The following RDH12 variants were observed in gnomAD, a reference collection of about 807,000 sequenced individuals.
RDH12 encodes all-trans and 9-cis retinol dehydrogenase.
RDH12 carries 21 observed loss-of-function variants against 34.0 expected under a neutral mutation model. That is an observed-to-expected ratio of 0.62 (90% confidence interval 0.44 to 0.89). RDH12 has a LOEUF of 0.89. RDH12 is among the 40% of genes least tolerant of loss of function. The pLI is 0.00. For missense variants in RDH12, 394 were observed against 398.6 expected, an observed-to-expected ratio of 0.99 and a Z score of 0.10; for synonymous variants, 198 against 169.9, an observed-to-expected ratio of 1.17 and a Z score of -1.29.
intron 3 of RDH12, among the ~76,000 whole-genome samples, chr14:67,724,122 G>T (rs1234317290): frequency 6.6e-6 from 1 of 152,208 alleles, no homozygotes; most frequent in Non-Finnish European, 1.5e-5. Flanking sequence ...TTGAATGTAG[G>T]TTAGAGGGGA....
intron 1 of RDH12, among the ~76,000 whole-genome samples, chr14:67,719,191 T>C (rs145039412): frequency 1.3e-5 from 2 of 152,340 alleles, no homozygotes; most frequent in East Asian, 3.9e-4. Flanking sequence ...GCTAAAATGT[T>C]TTATGCACAA....
At chr14:67,714,871 C>T (rs2140123922) in intron 1 of RDH12, 1 of 152,344 alleles carries the variant, frequency 6.6e-6, no homozygotes, top group South Asian at 2.1e-4. Flanking sequence ...CAAACCTGTG[C>T]AAAGCTTCTG....
rs550282251 is a variant in RDH12, at chr14:67,711,105, G to A, written c.-275+9170G>A. On this transcript the variant is annotated intron_variant, in intron 1 of 8. Transcript: ENST00000551171. ...TATAGTTTAGCTTTGAAACAAAGAC[G>A]ATAACAAACCTTACTTCCTGTGGAC... Among the ~76,000 whole-genome samples the A allele has an allele frequency of 6.6e-4, 100 of 152,250 alleles. 1 individual carries two copies. Among genetic ancestry groups the A allele is most frequent in the Admixed American group, 2.0e-3 (31 of 15,296 alleles).
chr14:67,714,493 A>G (rs1407131367), intron 1 of RDH12: 9 of 152,736 alleles, frequency 5.9e-5, no homozygotes, highest in African/African-American at 2.2e-4. Context: ...TTTATTAAAA[A>G]GAGTTCCCTA....
At chr14:67,718,593 C>A (rs1387876044) in intron 1 of RDH12, among the ~76,000 whole-genome samples, 2 of 152,194 alleles carry the variant, frequency 1.3e-5, no homozygotes, top group Non-Finnish European at 2.9e-5. Context: ...AGAAGAGGAT[C>A]CTTCTCAAAG....
At chr14:67,726,508 G>GCCAA (rs753969399) in intron 6 of RDH12, among the ~76,000 whole-genome samples, 15 of 152,222 alleles carry the variant, frequency 9.9e-5, no homozygotes, top group Non-Finnish European at 1.9e-4. Context: ...GGCCAACCAA[G>GCCAA]CCATGGGTTG....
intron 3 of RDH12, among the ~76,000 whole-genome samples, chr14:67,723,018 C>G (rs2038143283): frequency 6.6e-6 from 1 of 152,170 alleles, no homozygotes; most frequent in Admixed American, 6.5e-5. Context: ...GGAGTCCTTG[C>G]GTTTTCATTT....
At chr14:67,728,503 AC>A (rs1226264107) in intron 7 of RDH12, among the ~76,000 whole-genome samples, 2 of 152,166 alleles carry the variant, frequency 1.3e-5, no homozygotes, top group Non-Finnish European at 2.9e-5. Context: ...TTGGCCCTGC[AC>A]CCTGCCAGGT....
chr14:67,719,402 C>G (rs539764439), intron 1 of RDH12, among the ~76,000 whole-genome samples: 1 of 152,296 alleles, frequency 6.6e-6, no homozygotes, highest in East Asian at 1.9e-4. Flanking sequence ...CTTTTCCAAG[C>G]AGTTCATTTG....
At chr14:67,713,195 A>C (rs1480449886) in intron 1 of RDH12, among the ~76,000 whole-genome samples, 3 of 151,920 alleles carry the variant, frequency 2.0e-5, no homozygotes, top group Non-Finnish European at 4.4e-5. Flanking sequence ...ATACCTAGGG[A>C]TGGGTCTCAG....
chr14:67,721,752 TATATA>T (rs2038126283), intron 2 of RDH12, among the ~76,000 whole-genome samples: 1 of 149,598 alleles, frequency 6.7e-6, no homozygotes, highest in Non-Finnish European at 1.5e-5. Context: ...TATATATATA[TATATA>T]TATATATGTA....
chr14:67,709,905 A>C (rs1467977539), intron 1 of RDH12, among the ~76,000 whole-genome samples: 1 of 152,186 alleles, frequency 6.6e-6, no homozygotes, highest in East Asian at 1.9e-4. Flanking sequence ...CTTAGGGCAA[A>C]CCTGCCTTCC....
chr14:67,725,216 C>T lies in RDH12; in HGVS notation c.305C>T (p.Thr102Ile). The T allele has an allele frequency of 1.2e-6, 2 of 1,613,860 alleles. No homozygotes were observed. The highest frequency in any genetic ancestry group is 1.7e-6 in the Non-Finnish European group (2 of 1,180,030). Reference protein sequence around the residue: ...VLVRKLDLSDTKSIRAFAEGF... With the variant: ...VLVRKLDLSDIKSIRAFAEGF... The stretch of plus-strand genomic sequence containing the variant: ...GTGCGGAAATTGGACCTATCCGACA[C>T]CAAATCTATCCGAGCCTTTGCTGAG... The change falls in exon 5 of 9, where the codon ACC (threonine) becomes ATC (isoleucine). Residue 102 changes from threonine (T) to isoleucine (I), a missense_variant. By Grantham distance (89) the Thr-to-Ile change is moderately conservative. Transcript: ENST00000551171.
chr14:67,733,724 A>G, intron 8 of RDH12, 22 bp from the exon 9 acceptor site: 1 of 1,520,108 alleles, frequency 6.6e-7, no homozygotes, highest in Non-Finnish European at 9.1e-7. Context: ...CCTGGAATTT[A>G]CTGTCTTTCT....
At chr14:67,716,609 T>C (rs1485462318) in intron 1 of RDH12, among the ~76,000 whole-genome samples, 1 of 151,904 alleles carries the variant, frequency 6.6e-6, no homozygotes, top group African/African-American at 2.4e-5. Context: ...ACAGGCTGAG[T>C]GTGGTGGCTC....
intron 2 of RDH12, among the ~76,000 whole-genome samples, chr14:67,721,193 G>A (rs1173136711): frequency 6.6e-6 from 1 of 152,168 alleles, no homozygotes; most frequent in African/African-American, 2.4e-5. Context: ...ACAGAACTGG[G>A]AAATTATTCC....
intron 1 of RDH12, among the ~76,000 whole-genome samples, chr14:67,707,972 C>A (rs902344668): frequency 6.6e-6 from 1 of 152,164 alleles, no homozygotes; most frequent in African/African-American, 2.4e-5. Flanking sequence ...CACACCATTC[C>A]AGTCAAAGTC....
intron 1 of RDH12, among the ~76,000 whole-genome samples, chr14:67,713,858 G>GA (rs2038038764): frequency 6.6e-6 from 1 of 152,184 alleles, no homozygotes; most frequent in East Asian, 1.9e-4. Flanking sequence ...TCGAAGCAGG[G>GA]AGGGGGCTTC....
chr14:67,730,428 C>T (rs2038254193), intron 8 of RDH12, among the ~76,000 whole-genome samples: 1 of 152,084 alleles, frequency 6.6e-6, no homozygotes. Flanking sequence ...TCTGAAAATT[C>T]GGAGTCCGGA....
Sources: gnomAD v4.1 joint callset for allele counts (sites outside exome capture counted in the v4.1 genomes callset) on GRCh38, gnomAD v4.1.1 for gene constraint, MANE v1.5 for transcripts, NCBI Gene and HGNC (gene_info 2026-07-23, HGNC 2026-07-21) for gene names.